Variants in CHLSN observed in about 807,000 individuals in gnomAD.
CHLSN encodes the protein protein cholesin.
chr7:1,121,033 C>T, the CHLSN span, among the ~76,000 whole-genome samples: 9 of 151,088 alleles, frequency 6.0e-5, no homozygotes, highest in Non-Finnish European at 1.0e-4. Context: ...CTATTTTACT[C>T]AGCCACAAAA....
chr7:1,090,387 C>T, the CHLSN span, among the ~76,000 whole-genome samples: 2 of 151,966 alleles, frequency 1.3e-5, no homozygotes, highest in South Asian at 2.1e-4. Context: ...GGGCAGGTGA[C>T]GGGACCCTCC....
the CHLSN span, among the ~76,000 whole-genome samples, chr7:1,047,938 A>G: frequency 7.9e-5 from 12 of 152,276 alleles, no homozygotes; most frequent in East Asian, 1.4e-3. Context: ...TTTTCATCCA[A>G]CAGTCAGCCA....
chr7:1,016,792 G>GCAGCGCACGCCAGCGCA, the CHLSN span, among the ~76,000 whole-genome samples: 353 of 67,436 alleles, frequency 5.2e-3, 16 homozygotes, highest in African/African-American at 0.02. Flanking sequence ...ACAGCACACA[G>GCAGCGCACGCCAGCGCA]CAGCACACAG....
At chr7:1,016,602 C>CGCACGCCAGA in the CHLSN span, among the ~76,000 whole-genome samples, 125 of 66,914 alleles carry the variant, frequency 1.9e-3, 22 homozygotes, top group African/African-American at 8.3e-3. Flanking sequence ...CACACAGCAG[C>CGCACGCCAGA]GTACAGCAGC....
chr7:1,058,470 C>T, the CHLSN span: 10 of 780,288 alleles, frequency 1.3e-5, no homozygotes, highest in East Asian at 7.3e-5. Context: ...CTGCGGGGAC[C>T]GGCACTGCTC....
At chr7:1,102,481 G>A in the CHLSN span, among the ~76,000 whole-genome samples, 1 of 152,258 alleles carries the variant, frequency 6.6e-6, no homozygotes, top group Non-Finnish European at 1.5e-5. Context: ...TTCAACACCA[G>A]GTCACTGTCA....
chr7:1,119,875 C>CAA, the CHLSN span, among the ~76,000 whole-genome samples: 4,128 of 117,824 alleles, frequency 0.035, 171 homozygotes, highest in African/African-American at 0.1. Context: ...GAAACTCCGT[C>CAA]AAAAAAAAAA....
the CHLSN span, among the ~76,000 whole-genome samples, chr7:1,015,505 A>G: frequency 6.6e-6 from 1 of 152,244 alleles, no homozygotes. Context: ...AGAAAAAGTC[A>G]TCTGTTCCAG....
chr7:1,086,252 G>A, the CHLSN span, among the ~76,000 whole-genome samples: 2 of 152,232 alleles, frequency 1.3e-5, no homozygotes, highest in East Asian at 3.8e-4. Context: ...TAAGTGACAT[G>A]TCTCAGCTAT....
chr7:1,127,744 C>T, the CHLSN span, among the ~76,000 whole-genome samples: 23 of 64,048 alleles, frequency 3.6e-4, no homozygotes, highest in African/African-American at 2.6e-3. Flanking sequence ...AGTGCAGTGG[C>T]GCGATCTCAG....
the CHLSN span, among the ~76,000 whole-genome samples, chr7:1,066,399 G>T: frequency 6.6e-6 from 1 of 152,260 alleles, no homozygotes; most frequent in African/African-American, 2.4e-5. Flanking sequence ...GCCAGCTCCG[G>T]GCCATGCTGA....
the CHLSN span, among the ~76,000 whole-genome samples, chr7:1,008,902 G>A: frequency 2.0e-5 from 2 of 98,650 alleles, no homozygotes; most frequent in Non-Finnish European, 4.2e-5. Context: ...ATGCACACAC[G>A]TACACAACAC....
chr7:1,099,203 G>A, the CHLSN span, among the ~76,000 whole-genome samples: 41 of 140,034 alleles, frequency 2.9e-4, no homozygotes, highest in Non-Finnish European at 6.4e-5. Flanking sequence ...TCGCTGTCGC[G>A]TTCCTGCAGC....
chr7:1,028,696 TG>T, the CHLSN span: 1 of 517,582 alleles, frequency 1.9e-6, no homozygotes, highest in Non-Finnish European at 2.3e-6. Flanking sequence ...CTCCCCCATC[TG>T]CCTCCATTAT....
chr7:1,029,756 G>A, the CHLSN span, among the ~76,000 whole-genome samples: 1 of 152,216 alleles, frequency 6.6e-6, no homozygotes, highest in Non-Finnish European at 1.5e-5. Flanking sequence ...GATGGTGTGG[G>A]CACCCCAGTC....
the CHLSN span, chr7:986,593 C>T: frequency 6.2e-7 from 1 of 1,610,806 alleles, no homozygotes; most frequent in Non-Finnish European, 8.5e-7. Context: ...GGGCTGCGTC[C>T]TTATCTCCGC....
At chr7:1,122,101 G>T in the CHLSN span, among the ~76,000 whole-genome samples, 1 of 152,232 alleles carries the variant, frequency 6.6e-6, no homozygotes, top group Non-Finnish European at 1.5e-5. Flanking sequence ...GCTCCATGAG[G>T]TAACCAGAGT....
chr7:1,126,703 A>T, the CHLSN span, among the ~76,000 whole-genome samples: 11 of 152,108 alleles, frequency 7.2e-5, no homozygotes, highest in Non-Finnish European at 1.2e-4. Flanking sequence ...AAAATGCATC[A>T]CTTTAGGAGA....
chr7:1,009,925 A>G, the CHLSN span: 2 of 1,514,738 alleles, frequency 1.3e-6, no homozygotes, highest in African/African-American at 2.8e-5. Context: ...TCCGGGACAG[A>G]ACCGCGTGGG....
Sources: gnomAD v4.1 joint callset for allele counts (sites outside exome capture counted in the v4.1 genomes callset) on GRCh38, gnomAD v4.1.1 for gene constraint, MANE v1.5 for transcripts, NCBI Gene and HGNC (gene_info 2026-07-23, HGNC 2026-07-21) for gene names.